Variants in IQCE observed in about 807,000 individuals in gnomAD.
The protein encoded by IQCE is IQ domain-containing protein E.
IQCE carries 115 observed loss-of-function variants against 96.0 expected under a neutral mutation model. That is an observed-to-expected ratio of 1.20 (90% confidence interval 1.03 to 1.40). IQCE has a LOEUF of 1.40. Ranked by LOEUF, IQCE falls within the 40% of genes most tolerant of loss-of-function variation. IQCE has a pLI of 0.00. For synonymous variants in IQCE, 412 were observed against 371.2 expected, an observed-to-expected ratio of 1.11 and a Z score of -1.26; for missense variants, 1,041 against 909.1, an observed-to-expected ratio of 1.15 and a Z score of -1.87.
At chr7:2,583,785 GGCGGCGGGGCGGAGGGCGGGCACC>G in intron 10 of IQCE, 76 bp downstream of exon 10, 1 of 118,084 alleles carries the variant, frequency 8.5e-6, no homozygotes, top group East Asian at 3.0e-4. Context: ...CACCGAGCTG[GGCGGCGGGGCGGAGGGCGGGCACC>G]GTGCTGGGCG....
chr7:2,567,792 T>C lies in IQCE; in HGVS notation c.84+629T>C, dbSNP rs1015135292. Among the ~76,000 whole-genome samples the C allele has an allele frequency of 4.6e-5, 7 of 152,226 alleles. 1 individual carries two copies. The highest frequency in any genetic ancestry group is 1.4e-4 in the African/African-American group (6 of 41,466). On this transcript the variant is annotated intron_variant, in intron 2 of 21. Coordinates refer to ENST00000402050, the MANE Select transcript of IQCE (RefSeq NM_152558.5). ...GGCACCAGCAGATCTCAATTCCACG[T>C]TTGCTCTGTGGACTCAAGGGGGAGC...
At chr7:2,579,298 G>A (rs1457000261) in intron 8 of IQCE, among the ~76,000 whole-genome samples, 3 of 152,158 alleles carry the variant, frequency 2.0e-5, no homozygotes, top group Non-Finnish European at 4.4e-5. Context: ...AAAGGGATAC[G>A]ATTTTGAGAT....
chr7:2,585,654 T>G (rs923991953), intron 11 of IQCE, among the ~76,000 whole-genome samples: 10 of 152,182 alleles, frequency 6.6e-5, no homozygotes, highest in African/African-American at 2.4e-4. Context: ...TGAGCTGAGG[T>G]GAGGAGCTGA....
intron 16 of IQCE, among the ~76,000 whole-genome samples, 157 bp downstream of exon 16, chr7:2,595,133 G>A (rs1055315490): frequency 2.0e-5 from 3 of 152,212 alleles, no homozygotes; most frequent in Non-Finnish European, 4.4e-5. Flanking sequence ...CATGTCGTGT[G>A]TATCGAAGTC....
intron 13 of IQCE, among the ~76,000 whole-genome samples, chr7:2,588,335 G>C (rs2128456704): frequency 6.6e-6 from 1 of 151,980 alleles, no homozygotes; most frequent in East Asian, 1.9e-4. Context: ...TTGGACCTTT[G>C]TTTTGTTTTT....
At chr7:2,595,183 C>A (rs559045505) in intron 16 of IQCE, among the ~76,000 whole-genome samples, 1 of 152,168 alleles carries the variant, frequency 6.6e-6, no homozygotes, top group Non-Finnish European at 1.5e-5. Context: ...ATTGACTTCT[C>A]GAACTGATAT....
chr7:2,578,322 C>G lies in IQCE; in HGVS notation c.546C>G (p.Asp182Glu). The part of the protein sequence containing the change: ...RRLEEENSRK[D>E]RQIEQLLDPS... ...TGGAGGAGGAAAACAGCAGGAAGGA[C>G]CGGCAGATAGAGCAGCTCCTGGATC... The change falls in exon 7 of 22, where the codon GAC becomes GAG. Residue 182 changes from aspartate (D) to glutamate (E), a missense_variant. Asp to Glu is a conservative substitution (Grantham distance 45). Transcript: ENST00000402050. The G allele has an allele frequency of 6.2e-7, 1 of 1,613,978 alleles. No individual in the cohort carries two copies. The highest frequency in any genetic ancestry group is 8.5e-7 in the Non-Finnish European group (1 of 1,179,918).
intron 19 of IQCE, 88 bp from the exon 20 acceptor site, chr7:2,605,788 T>C (rs2128472913): frequency 3.0e-6 from 4 of 1,333,640 alleles, no homozygotes; most frequent in East Asian, 6.0e-5. Context: ...CCTGTCTCCC[T>C]GACGCCCAGG....
intron 5 of IQCE, chr7:2,572,681 T>C: frequency 2.1e-6 from 1 of 471,094 alleles, no homozygotes. Context: ...CCAAAGAGAA[T>C]CAGCTTGTTT....
intron 16 of IQCE, among the ~76,000 whole-genome samples, chr7:2,595,759 TC>T (rs1783983600): frequency 6.8e-6 from 1 of 146,890 alleles, no homozygotes; most frequent in African/African-American, 2.6e-5. Context: ...GCAGCCATGC[TC>T]CGGTCACCAT....
At position 2,558,990 on chromosome 7, in the gene IQCE, T is replaced by G; in HGVS notation, c.-192T>G. On this transcript the variant is annotated 5_prime_UTR_variant, in exon 1 of 22. It removes an upstream start codon present in the reference 5' UTR. Coordinates refer to ENST00000402050, the MANE Select transcript of IQCE (RefSeq NM_152558.5). ...CGCCCGCGGACTCTGCGCACGCGCATGGTCGCCCCAGGGGGAACGCAGGTC... is the reference window on the plus strand; with the variant it reads ...CGCCCGCGGACTCTGCGCACGCGCAGGGTCGCCCCAGGGGGAACGCAGGTC... 2 of 309,702 alleles carry G rather than the reference T, an allele frequency of 6.5e-6. No homozygotes were observed. The highest frequency in any genetic ancestry group is 5.0e-5 in the East Asian group (1 of 20,120). 19.2% of individuals were successfully genotyped at this position (309,702 alleles called of 1,614,324 possible).
chr7:2,581,240 C>G (rs1267609424), intron 8 of IQCE, among the ~76,000 whole-genome samples: 1 of 152,134 alleles, frequency 6.6e-6, no homozygotes, highest in African/African-American at 2.4e-5. Flanking sequence ...GAGTCTGGCT[C>G]TGTCGCCCAG....
At chr7:2,606,880 G>C (rs1784871131) in intron 20 of IQCE, among the ~76,000 whole-genome samples, 2 of 152,170 alleles carry the variant, frequency 1.3e-5, no homozygotes, top group Admixed American at 6.5e-5. Context: ...AACCATGCCG[G>C]CCTGACCTCA....
intron 18 of IQCE, among the ~76,000 whole-genome samples, chr7:2,604,318 C>T (rs2128471461): frequency 6.6e-6 from 1 of 152,176 alleles, no homozygotes; most frequent in African/African-American, 2.4e-5. Flanking sequence ...GCTGTGTTGC[C>T]CGGGCTGATC....
At chr7:2,593,645 G>A (rs930790969) in intron 15 of IQCE, among the ~76,000 whole-genome samples, 1 of 152,240 alleles carries the variant, frequency 6.6e-6, no homozygotes. Flanking sequence ...AAAAGGCCGC[G>A]TAGCACACGA....
chr7:2,597,413 A>G (rs1224765703), intron 16 of IQCE, among the ~76,000 whole-genome samples: 2 of 152,268 alleles, frequency 1.3e-5, no homozygotes, highest in Admixed American at 1.3e-4. Flanking sequence ...ATGCCCAAGC[A>G]TCGTTAACAC....
chr7:2,584,548 T>C, intron 11 of IQCE: 1 of 466,942 alleles, frequency 2.1e-6, no homozygotes. Flanking sequence ...CATCCTGCCT[T>C]CCAGCTTAGA....
chr7:2,579,747 A>ATT (rs1366037478), intron 8 of IQCE, among the ~76,000 whole-genome samples: 1 of 131,154 alleles, frequency 7.6e-6, no homozygotes. Context: ...GTCTGTGGGT[A>ATT]TTTTTTTTTT....
chr7:2,567,204 T>G (rs1781443817), intron 2 of IQCE, 41 bp downstream of exon 2: 1 of 1,556,248 alleles, frequency 6.4e-7, no homozygotes, highest in South Asian at 1.1e-5. Flanking sequence ...CTCGGGCTGG[T>G]TGCGCTGCCC....
Sources: allele counts gnomAD v4.1 joint callset (sites outside exome capture counted in the v4.1 genomes callset), GRCh38; gene constraint gnomAD v4.1.1; transcripts MANE v1.5; gene names NCBI Gene and HGNC (gene_info 2026-07-23, HGNC 2026-07-21).